Variants in ANK3 observed in about 807,000 individuals in gnomAD.
The protein encoded by ANK3 is ankyrin 3.
In ANK3, 57 loss-of-function variants were observed where a neutral mutation model predicts 370.9. That is an observed-to-expected ratio of 0.15 (90% CI 0.12 to 0.19). The LOEUF (loss-of-function observed/expected upper bound fraction) is 0.19. Ranked by LOEUF, ANK3 falls within the 10% of genes least tolerant of loss-of-function variation. The pLI is 1.00. For synonymous variants in ANK3, 1,929 were observed against 1,946.3 expected (o/e 0.99, Z 0.23); for missense variants, 4,439 against 5,302.1 (o/e 0.84, Z 5.06).
At chr10:60,656,258 G>GT (rs764630937) in intron 1 of ANK3, among the ~76,000 whole-genome samples, 6,512 of 152,214 alleles carry the variant, frequency 0.043, 173 homozygotes, top group Middle Eastern at 0.075. Flanking sequence ...CAAAGCATTA[G>GT]TACCTTTCAT....
intron 1 of ANK3, among the ~76,000 whole-genome samples, chr10:60,339,889 T>C (rs2053861130): frequency 6.6e-6 from 1 of 152,140 alleles, no homozygotes; most frequent in African/African-American, 2.4e-5. Context: ...TTTTTGCAAA[T>C]TGGAAAATAA....
intron 25 of ANK3, among the ~76,000 whole-genome samples, chr10:60,119,240 A>C (rs964025555): frequency 3.3e-5 from 5 of 152,226 alleles, no homozygotes; most frequent in African/African-American, 1.2e-4. Flanking sequence ...ATATAAAATG[A>C]AGCAATTCAA....
chr10:60,264,578 G>A (rs2097851981), intron 5 of ANK3, among the ~76,000 whole-genome samples: 1 of 150,642 alleles, frequency 6.6e-6, no homozygotes, highest in Non-Finnish European at 1.5e-5. Flanking sequence ...GGGAGGTGGA[G>A]ACTGCAGTGA....
intron 1 of ANK3, among the ~76,000 whole-genome samples, chr10:60,710,781 T>A (rs1054410073): frequency 3.3e-5 from 5 of 152,118 alleles, no homozygotes; most frequent in Non-Finnish European, 7.4e-5. Flanking sequence ...AAAATGGTGG[T>A]GTAGTTCAAA....
rs544709673 is a variant in ANK3, at chr10:60,075,119, G to C, written c.5762C>G (p.Thr1921Arg). 4.8e-5 allele frequency: 78 copies of C among 1,614,070 alleles called. 3 individuals are homozygous for C. The South Asian group carries it at 7.9e-4, about 16-fold the overall frequency. The change falls in exon 37 of 44, where the codon ACA (threonine) becomes AGA (arginine). Residue 1921 changes from threonine (T) to arginine (R), a missense_variant. Coordinates refer to ENST00000280772, the MANE Select transcript of ANK3 (RefSeq NM_020987.5). The stretch of plus-strand genomic sequence containing the variant: ...GAATGGCTTCTCCTCAGGCACATCT[G>C]TCTGTAGTATTGCGGTCATCCGCAT... ...DLMRMTAILQ[T>R]DVPEEKPFQP...
In ANK3 at chr10:60,664,531, C is replaced by T. The variant is rs145043791; in HGVS notation, c.58-49307G>A. ...TAAGCTTGTTTCATGCAAAGTTAGC[C>T]ATTGAAAGTCTCAAAGCACAGAGAA... On this transcript the variant is annotated intron_variant, in intron 1 of 43. Transcript: ENST00000373827. 5.4e-4 allele frequency among the ~76,000 whole-genome samples: 82 copies of T among 152,260 alleles called. 1 individual carries two copies. In the East Asian group the frequency reaches 0.014, roughly 26 times the overall value.
intron 23 of ANK3, among the ~76,000 whole-genome samples, chr10:60,163,909 C>T (rs2095558179): frequency 6.6e-6 from 1 of 152,102 alleles, no homozygotes. Flanking sequence ...GATGATCTCT[C>T]ACTAGTTCTT....
Position 60,633,377 on chromosome 10 carries a change from T to C in ANK3, c.58-18153A>G, listed in dbSNP as rs558912696. On this transcript the variant is annotated intron_variant, in intron 1 of 43. Transcript: ENST00000373827. ...TTATTTTTAAGTGTTATCATATGGC[T>C]AGGAATAATTTATTTTCTAATAATA... is the stretch of plus-strand genomic sequence containing the variant. Among the ~76,000 whole-genome samples the C allele has an allele frequency of 1.3e-4, 20 of 152,302 alleles. No individual in the cohort carries two copies. The East Asian group carries it at 2.7e-3, about 21-fold the overall frequency.
intron 2 of ANK3, among the ~76,000 whole-genome samples, chr10:60,487,715 G>T (rs1314409200): frequency 2.8e-5 from 3 of 107,106 alleles, no homozygotes; most frequent in Non-Finnish European, 2.1e-5. Context: ...TTCTGATGAT[G>T]TTGCATTTTT....
chr10:60,694,204 C>G lies in ANK3; in HGVS notation c.57+39059G>C, dbSNP rs1009850545. ...CGAGAAGGGAAGTTTAGAGAAAAAA[C>G]AATAAAAAGAAACGAGCGAAGCCTC... On this transcript the variant is annotated intron_variant, in intron 1 of 43. Coordinates refer to the ANK3 transcript ENST00000373827. Among the ~76,000 whole-genome samples the G allele has an allele frequency of 1.7e-3, 262 of 152,100 alleles. 4 individuals are homozygous for G. Among genetic ancestry groups the G allele is most frequent in the Admixed American group, 0.013 (198 of 15,276 alleles).
chr10:60,346,158 A>G (rs2061486), intron 1 of ANK3, among the ~76,000 whole-genome samples: 105,964 of 151,866 alleles, frequency 0.7, 38,247 homozygotes, highest in South Asian at 0.91. Context: ...AAACCAGAAA[A>G]CAACTGGATG....
intron 1 of ANK3, among the ~76,000 whole-genome samples, chr10:60,725,109 T>C (rs149618735): frequency 6.6e-6 from 1 of 152,266 alleles, no homozygotes; most frequent in Non-Finnish European, 1.5e-5. Context: ...AAATGTGCAC[T>C]GTGCTGGGCT....
At chr10:60,185,097 C>A (rs2096290019) in intron 17 of ANK3, among the ~76,000 whole-genome samples, 1 of 151,804 alleles carries the variant, frequency 6.6e-6, no homozygotes, top group South Asian at 2.1e-4. Context: ...CTTTTTGATT[C>A]CCATTAATGC....
At chr10:60,228,743 T>C (rs1464098103) in intron 8 of ANK3, among the ~76,000 whole-genome samples, 3 of 152,124 alleles carry the variant, frequency 2.0e-5, no homozygotes, top group Non-Finnish European at 4.4e-5. Context: ...GATGTAGAGC[T>C]ATTTAAAAAA....
At chr10:60,713,952 CT>C (rs1462916738) in intron 1 of ANK3, among the ~76,000 whole-genome samples, 3 of 151,562 alleles carry the variant, frequency 2.0e-5, no homozygotes, top group Admixed American at 6.6e-5. Context: ...AAAAAAAAAG[CT>C]GGGTCTTTGC....
chr10:60,246,277 AAAAAG>A (rs1355305998), intron 7 of ANK3, among the ~76,000 whole-genome samples: 59 of 136,592 alleles, frequency 4.3e-4, no homozygotes, highest in South Asian at 1.6e-3. Context: ...AAAAAAAAAA[AAAAAG>A]AAAAAAGAAA....
intron 2 of ANK3, among the ~76,000 whole-genome samples, chr10:60,440,890 A>G (rs2064283392): frequency 6.6e-6 from 1 of 152,204 alleles, no homozygotes; most frequent in Non-Finnish European, 1.5e-5. Context: ...CTAACAGTAG[A>G]TACATTTTAA....
intron 2 of ANK3, among the ~76,000 whole-genome samples, chr10:60,559,215 C>T (rs970800110): frequency 6.6e-6 from 1 of 152,090 alleles, no homozygotes; most frequent in African/African-American, 2.4e-5. Flanking sequence ...ACCCATCACC[C>T]AAGCAGTGTA....
At chr10:60,120,531 C>G (rs769593364) in intron 25 of ANK3, among the ~76,000 whole-genome samples, 4 of 151,952 alleles carry the variant, frequency 2.6e-5, no homozygotes, top group Non-Finnish European at 5.9e-5. Flanking sequence ...AAGAGACAAC[C>G]CACAGAATGG....
Sources: gnomAD v4.1 joint callset for allele counts (sites outside exome capture counted in the v4.1 genomes callset) on GRCh38, gnomAD v4.1.1 for gene constraint, MANE v1.5 for transcripts, NCBI Gene and HGNC (gene_info 2026-07-23, HGNC 2026-07-21) for gene names.